EXOC4: variants seen among roughly 807,000 people sequenced by gnomAD.
The protein encoded by EXOC4 is SEC8-like 1.
EXOC4 carries 71 observed loss-of-function variants against 107.2 expected under a neutral mutation model. That is an observed-to-expected ratio of 0.66 (90% CI 0.55 to 0.81). The LOEUF is 0.81. Among genes scored for constraint, EXOC4 ranks in the 30% least tolerant of loss-of-function variants. The pLI is 0.00. For synonymous variants in EXOC4, 456 were observed against 441.2 expected (o/e 1.03, Z -0.42); for missense variants, 1,108 against 1,189.6 (o/e 0.93, Z 1.01).
chr7:133,571,303 C>G lies in EXOC4; in HGVS notation c.1418-58742C>G, dbSNP rs114441866. On this transcript the variant is annotated intron_variant, in intron 9 of 17. Coordinates refer to ENST00000253861, the MANE Select transcript of EXOC4 (RefSeq NM_021807.4). ...AGGGAGCCAGTGAGTGTGGAAATTA[C>G]TAATAAAAATGAAGAAACGTGTCTT... is the stretch of plus-strand genomic sequence containing the variant. Among the ~76,000 whole-genome samples the G allele has an allele frequency of 5.7e-3, 864 of 152,222 alleles. 9 individuals are homozygous for G. The highest frequency in any genetic ancestry group is 0.019 in the African/African-American group (804 of 41,534).
At chr7:133,581,522 G>A (rs1801269479) in intron 9 of EXOC4, among the ~76,000 whole-genome samples, 1 of 151,958 alleles carries the variant, frequency 6.6e-6, no homozygotes, top group South Asian at 2.1e-4. Flanking sequence ...ACTTTGGGAG[G>A]CCGAGGCGGG....
chr7:133,407,128 T>A (rs1319041531), intron 7 of EXOC4, among the ~76,000 whole-genome samples: 2 of 152,174 alleles, frequency 1.3e-5, no homozygotes, highest in Non-Finnish European at 2.9e-5. Flanking sequence ...CACCCTCCCC[T>A]TTATACCTGA....
intron 9 of EXOC4, 129 bp downstream of exon 9, chr7:133,480,267 T>C: frequency 1.3e-6 from 2 of 1,496,990 alleles, no homozygotes; most frequent in South Asian, 1.3e-5. Context: ...TAATAATTTG[T>C]TTCTTCTGTA....
At chr7:133,297,767 A>T (rs1794551209) in intron 3 of EXOC4, among the ~76,000 whole-genome samples, 1 of 152,222 alleles carries the variant, frequency 6.6e-6, no homozygotes, top group African/African-American at 2.4e-5. Context: ...GGGCTTGTTT[A>T]CACTGAGCAG....
chr7:134,030,090 A>G (rs1007904620), intron 17 of EXOC4, among the ~76,000 whole-genome samples: 3 of 152,232 alleles, frequency 2.0e-5, no homozygotes, highest in Admixed American at 6.5e-5. Context: ...AAAGATAAAA[A>G]TATGATTCCT....
At chr7:133,371,070 A>G (rs1045188646) in intron 6 of EXOC4, among the ~76,000 whole-genome samples, 3 of 152,196 alleles carry the variant, frequency 2.0e-5, no homozygotes, top group Non-Finnish European at 2.9e-5. Flanking sequence ...AGAAAAGTTG[A>G]TGTCCTCCTG....
intron 7 of EXOC4, among the ~76,000 whole-genome samples, chr7:133,375,960 G>T: frequency 6.6e-6 from 1 of 152,130 alleles, no homozygotes; most frequent in Admixed American, 6.5e-5. Flanking sequence ...CTAAATAGAA[G>T]TAACTTAGTT....
chr7:134,015,734 G>A (rs536441015), intron 17 of EXOC4, among the ~76,000 whole-genome samples: 1 of 152,146 alleles, frequency 6.6e-6, no homozygotes, highest in South Asian at 2.1e-4. Context: ...AATTAGCCAG[G>A]TGTGGTGGCA....
At chr7:133,435,799 G>A (rs566031849) in intron 7 of EXOC4, among the ~76,000 whole-genome samples, 27 of 152,224 alleles carry the variant, frequency 1.8e-4, no homozygotes, top group Non-Finnish European at 8.8e-5. Context: ...CTAGTGATCT[G>A]TTAATTTCTA....
At chr7:133,961,973 G>A (rs1283246170) in intron 14 of EXOC4, among the ~76,000 whole-genome samples, 1 of 152,206 alleles carries the variant, frequency 6.6e-6, no homozygotes, top group Non-Finnish European at 1.5e-5. Flanking sequence ...TTTCTCAGAG[G>A]AGGAAATTGA....
chr7:133,419,427 T>C (rs1450619441), intron 7 of EXOC4, among the ~76,000 whole-genome samples: 1 of 152,144 alleles, frequency 6.6e-6, no homozygotes, highest in East Asian at 1.9e-4. Context: ...GAAGTCAGTT[T>C]TGAGAACTAA....
chr7:133,656,809 T>A (rs948751676), intron 10 of EXOC4, among the ~76,000 whole-genome samples: 1 of 152,212 alleles, frequency 6.6e-6, no homozygotes, highest in Admixed American at 6.5e-5. Context: ...TATAGCTTTG[T>A]AGTGATTTGT....
At chr7:133,625,653 C>A (rs995558728) in intron 9 of EXOC4, among the ~76,000 whole-genome samples, 2 of 152,292 alleles carry the variant, frequency 1.3e-5, no homozygotes, top group South Asian at 4.1e-4. Flanking sequence ...AGCCTATGAA[C>A]ACTAAGATGT....
chr7:133,907,821 G>GA (rs1252329315), intron 12 of EXOC4, among the ~76,000 whole-genome samples: 2 of 46,314 alleles, frequency 4.3e-5, no homozygotes, highest in African/African-American at 2.0e-4. Flanking sequence ...GAAGAAGGAG[G>GA]AGGAGGAGGA....
chr7:133,624,018 T>C (rs1563130672), intron 9 of EXOC4, among the ~76,000 whole-genome samples: 1 of 152,226 alleles, frequency 6.6e-6, no homozygotes, highest in African/African-American at 2.4e-5. Flanking sequence ...CATTTATTGA[T>C]GCAGTCAGGA....
At chr7:133,693,966 A>G (rs1794476247) in intron 10 of EXOC4, among the ~76,000 whole-genome samples, 1 of 152,130 alleles carries the variant, frequency 6.6e-6, no homozygotes, top group African/African-American at 2.4e-5. Context: ...AACATCTCTT[A>G]AGATTGTTAG....
rs1196044062 is a variant in EXOC4, at chr7:133,937,843, C to T, written c.2028-48C>T. 7.5e-6 allele frequency: 12 copies of T among 1,596,502 alleles called. No homozygotes were observed. The South Asian group carries it at 1.2e-4, about 16-fold the overall frequency. On this transcript the variant is annotated intron_variant, in intron 13 of 17. Coordinates refer to ENST00000253861, the MANE Select transcript of EXOC4 (RefSeq NM_021807.4). ...CCTAAAACAGTGTTGCCCGGTCCTA[C>T]CTTTTCCATGCTGTATATATGAAGT...
chr7:133,468,679 A>G (rs770570824), intron 7 of EXOC4, among the ~76,000 whole-genome samples: 1 of 151,994 alleles, frequency 6.6e-6, no homozygotes, highest in Non-Finnish European at 1.5e-5. Flanking sequence ...CTCCATGAAA[A>G]CCGGGAGGCG....
chr7:133,588,714 A>G (rs62470022), intron 9 of EXOC4, among the ~76,000 whole-genome samples: 20,050 of 152,032 alleles, frequency 0.13, 1,442 homozygotes, highest in East Asian at 0.23. Context: ...CCAACATGGT[A>G]AAACCCTGTC....
Sources: allele counts gnomAD v4.1 joint callset (sites outside exome capture counted in the v4.1 genomes callset), GRCh38; gene constraint gnomAD v4.1.1; transcripts MANE v1.5; gene names NCBI Gene and HGNC (gene_info 2026-07-23, HGNC 2026-07-21).